SMYD3: variants seen among roughly 807,000 people sequenced by gnomAD.
SMYD3 encodes the protein SET and MYND domain containing 3.
A neutral mutation model predicts 57.7 loss-of-function variants in SMYD3; 36 were observed. The observed-to-expected ratio is 0.62, with a 90% CI of 0.48 to 0.82. SMYD3 has a LOEUF of 0.82. Among genes scored for constraint, SMYD3 ranks in the 40% least tolerant of loss-of-function variants. The pLI is 0.00. For synonymous variants in SMYD3, 211 were observed against 195.0 expected (o/e 1.08, Z -0.68); for missense variants, 515 against 538.8 (o/e 0.96, Z 0.44).
At position 245,767,204 on chromosome 1, in the gene SMYD3, T is replaced by C. The variant is rs532902678; in HGVS notation, c.1077-3055A>G. Reference sequence around the variant, plus strand: ...AAAAGACGGTCATCTTTTGATAGGATTGTCAAAAATAAAGACCGGGATTAA... The same window carrying C: ...AAAAGACGGTCATCTTTTGATAGGACTGTCAAAAATAAAGACCGGGATTAA... On this transcript the variant is annotated intron_variant, in intron 10 of 11. Transcript: ENST00000490107. Among the ~76,000 whole-genome samples, 43 of 151,182 alleles carry C rather than the reference T, an allele frequency of 2.8e-4. No homozygotes were observed. The South Asian group carries it at 8.3e-3, about 29-fold the overall frequency.
intron 5 of SMYD3, among the ~76,000 whole-genome samples, chr1:246,157,645 T>C (rs1445740781): frequency 2.6e-5 from 1 of 38,240 alleles, no homozygotes; most frequent in Non-Finnish European, 4.8e-5. Context: ...ATAAGCTTTG[T>C]CTTTTTTCCC....
At chr1:246,423,975 A>G (rs1010414859) in intron 1 of SMYD3, among the ~76,000 whole-genome samples, 2 of 152,230 alleles carry the variant, frequency 1.3e-5, no homozygotes, top group African/African-American at 4.8e-5. Flanking sequence ...ATCATTAAAA[A>G]TAAAGGCAAA....
chr1:246,103,163 G>A (rs1015085915), intron 5 of SMYD3, among the ~76,000 whole-genome samples: 1 of 152,154 alleles, frequency 6.6e-6, no homozygotes, highest in African/African-American at 2.4e-5. Flanking sequence ...GTTCAAACAT[G>A]AGAACTAAAG....
intron 1 of SMYD3, among the ~76,000 whole-genome samples, chr1:246,423,049 A>G (rs1410086159): frequency 6.6e-6 from 1 of 152,286 alleles, no homozygotes; most frequent in African/African-American, 2.4e-5. Flanking sequence ...TATAATTCCA[A>G]TCACTTTGGG....
chr1:246,338,275 A>G (rs1345195411), intron 2 of SMYD3, among the ~76,000 whole-genome samples: 2 of 152,226 alleles, frequency 1.3e-5, no homozygotes, highest in African/African-American at 4.8e-5. Flanking sequence ...CAAGCATACC[A>G]TAGAAAAGGC....
chr1:246,315,861 G>T (rs867540976), intron 5 of SMYD3, among the ~76,000 whole-genome samples: 1 of 152,062 alleles, frequency 6.6e-6, no homozygotes, highest in Admixed American at 6.6e-5. Context: ...CCCCAAACTC[G>T]CCTGCTTACC....
chr1:246,410,064 T>C (rs1363863981), intron 1 of SMYD3, among the ~76,000 whole-genome samples: 1 of 152,128 alleles, frequency 6.6e-6, no homozygotes, highest in Non-Finnish European at 1.5e-5. Flanking sequence ...CTTAAGGAGA[T>C]TTTGGGCTGA....
At chr1:246,220,059 T>G (rs949814334) in intron 5 of SMYD3, among the ~76,000 whole-genome samples, 1 of 152,208 alleles carries the variant, frequency 6.6e-6, no homozygotes, top group Non-Finnish European at 1.5e-5. Context: ...TTGCTGTTCA[T>G]TTGATTTCAA....
intron 1 of SMYD3, among the ~76,000 whole-genome samples, chr1:246,504,458 ATCTAAATG>A: frequency 6.6e-6 from 1 of 152,346 alleles, no homozygotes; most frequent in East Asian, 1.9e-4. Context: ...GTATTTGTGT[ATCTAAATG>A]TACCTAAACA....
At chr1:246,122,990 C>T (rs1255700412) in intron 5 of SMYD3, among the ~76,000 whole-genome samples, 1 of 152,012 alleles carries the variant, frequency 6.6e-6, no homozygotes, top group Non-Finnish European at 1.5e-5. Flanking sequence ...CTTTGATTTC[C>T]GTGAAACACT....
At chr1:246,506,045 C>T (rs1391060440) in intron 1 of SMYD3, among the ~76,000 whole-genome samples, 1 of 152,178 alleles carries the variant, frequency 6.6e-6, no homozygotes, top group Non-Finnish European at 1.5e-5. Context: ...CAAATGAGAA[C>T]AAAGTAAGAA....
chr1:245,896,402 A>AAAAC (rs1363140747), intron 8 of SMYD3, among the ~76,000 whole-genome samples: 1 of 151,464 alleles, frequency 6.6e-6, no homozygotes, highest in Admixed American at 6.6e-5. Context: ...AAAAAAAAAA[A>AAAAC]AAAACAGGCA....
chr1:246,248,767 G>A (rs138458103), intron 5 of SMYD3, among the ~76,000 whole-genome samples: 6,423 of 145,384 alleles, frequency 0.044, 216 homozygotes, highest in African/African-American at 0.085. Flanking sequence ...TCAGCCTCCC[G>A]AGTAGCTGGG....
intron 5 of SMYD3, among the ~76,000 whole-genome samples, chr1:246,105,167 C>CT: frequency 6.6e-6 from 1 of 152,150 alleles, no homozygotes; most frequent in African/African-American, 2.4e-5. Flanking sequence ...CGATCAGACA[C>CT]TGAGACTGAT....
intron 8 of SMYD3, among the ~76,000 whole-genome samples, chr1:245,867,420 C>G (rs532786218): frequency 2.6e-5 from 4 of 152,192 alleles, no homozygotes; most frequent in Non-Finnish European, 5.9e-5. Flanking sequence ...AAAATGTAGT[C>G]CCTAACATAC....
chr1:245,775,317 T>C (rs2817492), intron 10 of SMYD3, among the ~76,000 whole-genome samples: 64,026 of 152,086 alleles, frequency 0.42, 17,695 homozygotes, highest in East Asian at 0.88. Context: ...AGATTGTTGC[T>C]GTGTCTGTGT....
At chr1:246,348,982 A>G (rs1053356916) in intron 2 of SMYD3, among the ~76,000 whole-genome samples, 1 of 152,102 alleles carries the variant, frequency 6.6e-6, no homozygotes, top group African/African-American at 2.4e-5. Context: ...AGAATTCTGT[A>G]CCCTGTGGAA....
Position 246,010,213 on chromosome 1 carries a change from T to C in SMYD3, c.532-80276A>G, listed in dbSNP as rs148229557. ...TTTCTTTACTTCTTCTAGTTCTCTGTTGAGAAACAATACAGAATCGTATGC... is the reference window on the plus strand; with the variant it reads ...TTTCTTTACTTCTTCTAGTTCTCTGCTGAGAAACAATACAGAATCGTATGC... On this transcript the variant is annotated intron_variant, in intron 5 of 11. Coordinates refer to ENST00000490107, the MANE Select transcript of SMYD3 (RefSeq NM_001167740.2). Among the ~76,000 whole-genome samples the C allele has an allele frequency of 1.1e-3, 168 of 152,142 alleles. 2 individuals are homozygous for C. The highest frequency in any genetic ancestry group is 3.9e-3 in the African/African-American group (163 of 41,544).
At chr1:246,424,235 C>T (rs984153624) in intron 1 of SMYD3, among the ~76,000 whole-genome samples, 2 of 151,952 alleles carry the variant, frequency 1.3e-5, no homozygotes, top group African/African-American at 2.4e-5. Flanking sequence ...AAGGTTCTTA[C>T]ATTATATATT....
Sources: allele counts gnomAD v4.1 joint callset (sites outside exome capture counted in the v4.1 genomes callset), GRCh38; gene constraint gnomAD v4.1.1; transcripts MANE v1.5; gene names NCBI Gene and HGNC (gene_info 2026-07-23, HGNC 2026-07-21).